The following CCR5AS variants were observed in gnomAD, a reference collection of about 807,000 sequenced individuals.
The protein encoded by CCR5AS is CCR5 antisense RNA.
chr3:46,373,190 T>C (rs777374937), intron 2 of CCR5AS: 1 of 1,614,206 alleles, frequency 6.2e-7, no homozygotes, highest in Non-Finnish European at 8.5e-7. Context: ...AGTGGGACTT[T>C]GGAAATACAA....
At chr3:46,407,045 G>T (rs1199108562) in exon 1 of CCR5AS, 1 of 152,600 alleles carries the variant, frequency 6.6e-6, no homozygotes, top group East Asian at 1.9e-4. Flanking sequence ...ACAGTAGCTG[G>T]TACCTGTTAC....
chr3:46,401,032 A>G (rs1295808291), intron 1 of CCR5AS, among the ~76,000 whole-genome samples: 1 of 152,236 alleles, frequency 6.6e-6, no homozygotes. Flanking sequence ...GTCAGAATTC[A>G]GGTTCCAGAG....
chr3:46,399,033 G>A (rs191969117), intron 1 of CCR5AS, among the ~76,000 whole-genome samples: 48 of 151,846 alleles, frequency 3.2e-4, no homozygotes, highest in African/African-American at 1.1e-3. Flanking sequence ...GGAGGGAAGA[G>A]TCTGCTATCC....
chr3:46,402,494 C>G (rs1478785296), intron 1 of CCR5AS, among the ~76,000 whole-genome samples: 1 of 152,158 alleles, frequency 6.6e-6, no homozygotes, highest in East Asian at 1.9e-4. Flanking sequence ...GTATTTAAAA[C>G]TTATAATGGC....
intron 2 of CCR5AS, among the ~76,000 whole-genome samples, chr3:46,384,125 T>A (rs1701838209): frequency 6.6e-6 from 1 of 152,102 alleles, no homozygotes; most frequent in Non-Finnish European, 1.5e-5. Context: ...GGCACCTGAG[T>A]GGATCTTCCT....
intron 3 of CCR5AS, among the ~76,000 whole-genome samples, chr3:46,365,506 C>G (rs531604287): frequency 6.6e-6 from 1 of 152,110 alleles, no homozygotes; most frequent in African/African-American, 2.4e-5. Context: ...ACTGGGAAAC[C>G]AAAAAGGTTA....
At chr3:46,376,812 A>G (rs1201532681) in intron 2 of CCR5AS, among the ~76,000 whole-genome samples, 5 of 152,152 alleles carry the variant, frequency 3.3e-5, no homozygotes, top group African/African-American at 1.2e-4. Context: ...CACATTTTGA[A>G]CATGCTGGTT....
At chr3:46,405,416 G>A (rs1054022431) in intron 1 of CCR5AS, among the ~76,000 whole-genome samples, 3 of 152,084 alleles carry the variant, frequency 2.0e-5, no homozygotes, top group Non-Finnish European at 2.9e-5. Flanking sequence ...AAGAGTGTGC[G>A]TACTCCCAGC....
chr3:46,398,693 A>G (rs987729596), intron 1 of CCR5AS, among the ~76,000 whole-genome samples: 1 of 152,036 alleles, frequency 6.6e-6, no homozygotes, highest in Non-Finnish European at 1.5e-5. Context: ...GGTTTTTTAA[A>G]TTCTTTTTTC....
intron 2 of CCR5AS, among the ~76,000 whole-genome samples, chr3:46,386,541 G>A (rs540727751): frequency 6.6e-6 from 1 of 152,316 alleles, no homozygotes; most frequent in East Asian, 1.9e-4. Context: ...AGGGTAGACA[G>A]CCAGCCAAAT....
intron 2 of CCR5AS, among the ~76,000 whole-genome samples, chr3:46,384,325 C>T (rs1316464687): frequency 1.3e-5 from 2 of 152,198 alleles, no homozygotes; most frequent in Non-Finnish European, 2.9e-5. Context: ...TTGTCTGTTC[C>T]TTACTGTACA....
chr3:46,379,120 A>T (rs1336955816), intron 2 of CCR5AS, among the ~76,000 whole-genome samples: 1 of 146,564 alleles, frequency 6.8e-6, no homozygotes, highest in East Asian at 2.1e-4. Context: ...CGCTGCACCC[A>T]CTAACTCGTC....
In CCR5AS at chr3:46,405,814, G is replaced by C. The variant is rs531058366; in HGVS notation, n.163+1083C>G. ...ACATATTTGTCTGGGCTCTTTCTGT[G>C]TTTATTTTTCTCTTAATAGTTCTCT... is the stretch of plus-strand genomic sequence containing the variant. On this transcript the variant is annotated intron_variant and non_coding_transcript_variant, in intron 1 of 3. Transcript: ENST00000451485. Among the ~76,000 whole-genome samples, 176 of 151,976 alleles carry C rather than the reference G, an allele frequency of 1.2e-3. 1 individual carries two copies. Among genetic ancestry groups the C allele is most frequent in the Non-Finnish European group, 2.2e-3 (150 of 67,988 alleles).
At chr3:46,373,397 C>T (rs750227516) in intron 2 of CCR5AS, 1 of 1,612,602 alleles carries the variant, frequency 6.2e-7, no homozygotes, top group Admixed American at 1.7e-5. Flanking sequence ...CAGGAATCAT[C>T]TTTACCAGAT....
At chr3:46,370,081 T>A (rs955763496) in intron 3 of CCR5AS, among the ~76,000 whole-genome samples, 16 of 152,128 alleles carry the variant, frequency 1.1e-4, no homozygotes, top group African/African-American at 3.9e-4. Flanking sequence ...CTGTATATAG[T>A]ATAGTCATAA....
intron 1 of CCR5AS, among the ~76,000 whole-genome samples, chr3:46,399,178 G>A (rs1387702500): frequency 6.6e-6 from 1 of 152,174 alleles, no homozygotes; most frequent in African/African-American, 2.4e-5. Context: ...ATCTCTAAAT[G>A]TAATGGTGTT....
chr3:46,394,636 T>G (rs1701945097), intron 1 of CCR5AS, among the ~76,000 whole-genome samples: 1 of 152,112 alleles, frequency 6.6e-6, no homozygotes, highest in Non-Finnish European at 1.5e-5. Context: ...CACTTCTCAG[T>G]GTCTTTCCCA....
rs1177919734 is a variant in CCR5AS at position 46,373,350 on chromosome 3, G to A, written n.392-1933C>T. The A allele has an allele frequency of 2.5e-6, 4 of 1,614,160 alleles. No homozygotes were observed. The South Asian group carries it at 4.4e-5, about 18-fold the overall frequency. ...GGTCACCTTTGGGGTGGTGACAAGT[G>A]TGATCACTTGGGTGGTGGCTGTGTT... On this transcript the variant is annotated intron_variant and non_coding_transcript_variant, in intron 2 of 3. Transcript: ENST00000451485.
chr3:46,370,002 T>A lies in CCR5AS; in HGVS notation n.565+1242A>T, dbSNP rs539832725. 2.0e-4 allele frequency among the ~76,000 whole-genome samples: 30 copies of A among 152,336 alleles called. 1 individual carries two copies. The highest frequency in any genetic ancestry group is 7.0e-4 in the African/African-American group (29 of 41,566). On this transcript the variant is annotated intron_variant and non_coding_transcript_variant, in intron 3 of 3. Coordinates refer to ENST00000451485, the Ensembl canonical transcript of CCR5AS. ...GTGGCTCGGGAGTAGCTCTCTGCTG[T>A]CTTCTCAGCTCTGCTGACAATACTT... is the stretch of plus-strand genomic sequence containing the variant.
Sources: gnomAD v4.1 joint callset for allele counts (sites outside exome capture counted in the v4.1 genomes callset) on GRCh38, gnomAD v4.1.1 for gene constraint, MANE v1.5 for transcripts, NCBI Gene and HGNC (gene_info 2026-07-23, HGNC 2026-07-21) for gene names.